The following DRC11 variants were observed in gnomAD, a reference collection of about 807,000 sequenced individuals.
The protein encoded by DRC11 is IQ and AAA domain-containing protein 1.
chr2:236,345,316 AC>A, the DRC11 span, among the ~76,000 whole-genome samples: 2 of 146,976 alleles, frequency 1.4e-5, no homozygotes, highest in Non-Finnish European at 3.0e-5. Flanking sequence ...ACAAGTCCCC[AC>A]CCCCCCCAAC....
the DRC11 span, among the ~76,000 whole-genome samples, chr2:236,367,209 T>C: frequency 2.0e-5 from 3 of 149,558 alleles, no homozygotes; most frequent in African/African-American, 7.3e-5. The surrounding 1 kb of genome is among the most constrained non-coding windows in gnomAD (Gnocchi z 4.8). Context: ...CTTATACATT[T>C]ATTCTGTTGA....
At chr2:236,322,436 C>T in the DRC11 span, among the ~76,000 whole-genome samples, 71 of 151,918 alleles carry the variant, frequency 4.7e-4, no homozygotes, top group Non-Finnish European at 6.2e-4. Flanking sequence ...TTAGTAGATA[C>T]GGGGTTTCAC....
chr2:236,329,252 C>G, the DRC11 span, among the ~76,000 whole-genome samples: 4 of 152,312 alleles, frequency 2.6e-5, no homozygotes, highest in Non-Finnish European at 5.9e-5. Flanking sequence ...CCTTAATCCC[C>G]CTGTGCCGTG....
the DRC11 span, among the ~76,000 whole-genome samples, chr2:236,372,242 T>C: frequency 6.6e-6 from 1 of 152,210 alleles, no homozygotes; most frequent in African/African-American, 2.4e-5. This position sits in a 1 kb window ranked among gnomAD's most constrained non-coding sequence, Gnocchi z 4.5. Flanking sequence ...TAGTGGTATT[T>C]CCATTTAGGA....
At chr2:236,464,599 T>A in the DRC11 span, among the ~76,000 whole-genome samples, 4,832 of 152,300 alleles carry the variant, frequency 0.032, 122 homozygotes, top group Middle Eastern at 0.11. Context: ...CACCCTTAAA[T>A]ATGAATACGC....
chr2:236,336,300 C>G, the DRC11 span, among the ~76,000 whole-genome samples: 5 of 152,264 alleles, frequency 3.3e-5, no homozygotes, highest in East Asian at 9.6e-4. The surrounding 1 kb of genome is among the most constrained non-coding windows in gnomAD (Gnocchi z 7.3). Flanking sequence ...CAGCAACTTA[C>G]GAACAGCCAG....
At chr2:236,325,850 G>A in the DRC11 span, among the ~76,000 whole-genome samples, 3 of 152,170 alleles carry the variant, frequency 2.0e-5, no homozygotes, top group East Asian at 1.9e-4. The surrounding 1 kb of genome is among the most constrained non-coding windows in gnomAD (Gnocchi z 4.4). Flanking sequence ...TGATCTGCCC[G>A]TCTCGGCCTC....
the DRC11 span, among the ~76,000 whole-genome samples, chr2:236,444,171 T>G: frequency 1.3e-5 from 2 of 152,280 alleles, no homozygotes; most frequent in Non-Finnish European, 2.9e-5. Flanking sequence ...TTTCTTCTGC[T>G]GTGCAGAAAC....
chr2:236,313,378 ATATC>A, the DRC11 span, among the ~76,000 whole-genome samples: 1 of 152,250 alleles, frequency 6.6e-6, no homozygotes. The surrounding 1 kb of genome is among the most constrained non-coding windows in gnomAD (Gnocchi z 4.5). Flanking sequence ...TATTACATAT[ATATC>A]AGGCAAAAAA....
the DRC11 span, among the ~76,000 whole-genome samples, chr2:236,365,844 C>T: frequency 6.6e-6 from 1 of 152,154 alleles, no homozygotes; most frequent in Non-Finnish European, 1.5e-5. This position sits in a 1 kb window ranked among gnomAD's most constrained non-coding sequence, Gnocchi z 7.4. Context: ...GTCCACAGCT[C>T]TTCCTGCCCC....
chr2:236,320,680 C>T, the DRC11 span, among the ~76,000 whole-genome samples: 1 of 152,148 alleles, frequency 6.6e-6, no homozygotes, highest in African/African-American at 2.4e-5. Flanking sequence ...CCGCAGAATG[C>T]TCCCTTAATG....
the DRC11 span, among the ~76,000 whole-genome samples, chr2:236,494,313 C>G: frequency 6.6e-6 from 1 of 152,170 alleles, no homozygotes. The surrounding 1 kb of genome is among the most constrained non-coding windows in gnomAD (Gnocchi z 4.2). Flanking sequence ...TGTAAATAGT[C>G]ACATTTTTTT....
chr2:236,479,596 G>T, the DRC11 span, among the ~76,000 whole-genome samples: 1 of 152,060 alleles, frequency 6.6e-6, no homozygotes, highest in Non-Finnish European at 1.5e-5. This position sits in a 1 kb window ranked among gnomAD's most constrained non-coding sequence, Gnocchi z 4.1. Flanking sequence ...ACAAAGAAAG[G>T]CATAGAAACA....
the DRC11 span, among the ~76,000 whole-genome samples, chr2:236,307,300 C>T: frequency 8.5e-5 from 13 of 152,244 alleles, no homozygotes; most frequent in African/African-American, 1.2e-4. The surrounding 1 kb of genome is among the most constrained non-coding windows in gnomAD (Gnocchi z 7.0). Flanking sequence ...CTGGCTCCTA[C>T]GACAGCGCCC....
chr2:236,453,404 T>C, the DRC11 span, among the ~76,000 whole-genome samples: 1 of 152,222 alleles, frequency 6.6e-6, no homozygotes, highest in African/African-American at 2.4e-5. The surrounding 1 kb of genome is among the most constrained non-coding windows in gnomAD (Gnocchi z 4.9). Context: ...CCTGATTGTT[T>C]CTGCTCAAAG....
chr2:236,489,175 GGCTCTGGGTGTATGCTGGGGCCTGTATGA>G, the DRC11 span, among the ~76,000 whole-genome samples: 257 of 145,788 alleles, frequency 1.8e-3, 5 homozygotes, highest in African/African-American at 6.4e-3. Context: ...GGCCTGTGTG[GGCTCTGGGTGTATGCTGGGGCCTGTATGA>G]GCTCCGGGTG....
the DRC11 span, among the ~76,000 whole-genome samples, chr2:236,311,249 G>A: frequency 6.6e-6 from 1 of 152,234 alleles, no homozygotes; most frequent in Non-Finnish European, 1.5e-5. The surrounding 1 kb of genome is among the most constrained non-coding windows in gnomAD (Gnocchi z 6.9). Context: ...CTGGCCAGCA[G>A]GGCAAGCGCC....
At chr2:236,320,094 G>T in the DRC11 span, among the ~76,000 whole-genome samples, 1 of 152,254 alleles carries the variant, frequency 6.6e-6, no homozygotes, top group Admixed American at 6.5e-5. Flanking sequence ...CTGCAACTGT[G>T]AATTTGAGTG....
the DRC11 span, chr2:236,419,148 C>T: frequency 2.1e-5 from 32 of 1,517,030 alleles, no homozygotes; most frequent in Non-Finnish European, 2.8e-5. This position sits in a 1 kb window ranked among gnomAD's most constrained non-coding sequence, Gnocchi z 4.8. Flanking sequence ...AAATATTTTA[C>T]CTTATTTTTC....
Sources: gnomAD v4.1 joint callset for allele counts (sites outside exome capture counted in the v4.1 genomes callset) on GRCh38, gnomAD v4.1.1 for gene constraint, Gnocchi (gnomAD v3.1) non-coding constraint, MANE v1.5 for transcripts, NCBI Gene and HGNC (gene_info 2026-07-23, HGNC 2026-07-21) for gene names.